QTMAN: variants seen among roughly 807,000 people sequenced by gnomAD.
The protein encoded by QTMAN is tRNA-queuosine alpha-mannosyltransferase.
chr2:144,043,279 C>CAT, the QTMAN span, among the ~76,000 whole-genome samples: 290 of 148,986 alleles, frequency 1.9e-3, no homozygotes, highest in African/African-American at 5.6e-3. Flanking sequence ...GTTGGTTAAA[C>CAT]ATATATATAT....
At chr2:144,075,058 G>A in the QTMAN span, among the ~76,000 whole-genome samples, 1 of 152,162 alleles carries the variant, frequency 6.6e-6, no homozygotes, top group African/African-American at 2.4e-5. Flanking sequence ...TACGGAATAA[G>A]TTTTGTAATT....
chr2:144,218,915 T>C, the QTMAN span, among the ~76,000 whole-genome samples: 1 of 54,606 alleles, frequency 1.8e-5, no homozygotes, highest in East Asian at 5.3e-4. Flanking sequence ...GGAAAGTATC[T>C]AAAAAAAAAA....
At chr2:144,202,280 T>C in the QTMAN span, among the ~76,000 whole-genome samples, 1 of 152,200 alleles carries the variant, frequency 6.6e-6, no homozygotes, top group Non-Finnish European at 1.5e-5. Flanking sequence ...AGAGGCCCCA[T>C]GTACAGGAAA....
chr2:144,179,630 G>A, the QTMAN span, among the ~76,000 whole-genome samples: 4 of 152,210 alleles, frequency 2.6e-5, no homozygotes, highest in East Asian at 1.9e-4. Context: ...CTATGATACC[G>A]GGCTCACCTC....
At chr2:144,219,374 A>C in the QTMAN span, among the ~76,000 whole-genome samples, 1 of 152,032 alleles carries the variant, frequency 6.6e-6, no homozygotes, top group Admixed American at 6.6e-5. Context: ...CAGGTGATCC[A>C]CCCATCTCGG....
chr2:144,133,527 AAT>A, the QTMAN span, among the ~76,000 whole-genome samples: 142 of 92,162 alleles, frequency 1.5e-3, 1 homozygote, highest in African/African-American at 5.7e-3. Flanking sequence ...TATATAAATA[AAT>A]ATATATAAAG....
chr2:144,066,625 G>A, the QTMAN span, among the ~76,000 whole-genome samples: 1 of 152,176 alleles, frequency 6.6e-6, no homozygotes, highest in African/African-American at 2.4e-5. Context: ...AGACCAGCCT[G>A]GTCAACATAA....
chr2:144,198,865 T>A, the QTMAN span, among the ~76,000 whole-genome samples: 1 of 152,222 alleles, frequency 6.6e-6, no homozygotes, highest in Admixed American at 6.5e-5. Flanking sequence ...AATATGTTCA[T>A]GCTAAACTAA....
chr2:144,109,739 C>T, the QTMAN span, among the ~76,000 whole-genome samples: 1 of 151,468 alleles, frequency 6.6e-6, no homozygotes. Flanking sequence ...AGGATATGAA[C>T]AGACACTTCT....
At chr2:144,099,975 A>G in the QTMAN span, among the ~76,000 whole-genome samples, 2 of 152,200 alleles carry the variant, frequency 1.3e-5, no homozygotes, top group Non-Finnish European at 2.9e-5. Context: ...AGAGTTGCTT[A>G]TATCTAAAAT....
At chr2:144,302,226 C>A in the QTMAN span, among the ~76,000 whole-genome samples, 1 of 151,280 alleles carries the variant, frequency 6.6e-6, no homozygotes, top group Non-Finnish European at 1.5e-5. Flanking sequence ...TGCTTTTCCT[C>A]AATTATATAT....
chr2:144,151,460 G>A, the QTMAN span, among the ~76,000 whole-genome samples: 4 of 152,056 alleles, frequency 2.6e-5, no homozygotes, highest in African/African-American at 9.7e-5. Context: ...AAAGCAGACT[G>A]CAAGGAGTCA....
the QTMAN span, among the ~76,000 whole-genome samples, chr2:144,065,762 CTTTTTT>C: frequency 7.5e-6 from 1 of 132,512 alleles, no homozygotes; most frequent in African/African-American, 2.8e-5. Flanking sequence ...AAGAAAATAA[CTTTTTT>C]TTTTTTTTTT....
At chr2:144,184,134 T>A in the QTMAN span, among the ~76,000 whole-genome samples, 34 of 152,268 alleles carry the variant, frequency 2.2e-4, no homozygotes, top group East Asian at 6.0e-3. Flanking sequence ...ATAGGAGTTT[T>A]TTATTATTTT....
the QTMAN span, among the ~76,000 whole-genome samples, chr2:144,108,737 C>T: frequency 6.7e-6 from 1 of 149,928 alleles, no homozygotes; most frequent in Non-Finnish European, 1.5e-5. Context: ...AATCAATGTG[C>T]AAAAATCACA....
chr2:144,222,087 T>C, the QTMAN span, among the ~76,000 whole-genome samples: 1 of 150,680 alleles, frequency 6.6e-6, no homozygotes, highest in Non-Finnish European at 1.5e-5. Flanking sequence ...TGAGACGGAG[T>C]CTTGCTCTGT....
the QTMAN span, among the ~76,000 whole-genome samples, chr2:144,257,875 C>A: frequency 8.2e-4 from 124 of 152,026 alleles, no homozygotes; most frequent in African/African-American, 2.8e-3. Flanking sequence ...TCAACAGAGA[C>A]AGAAAAATCA....
chr2:144,030,427 C>A, the QTMAN span, among the ~76,000 whole-genome samples: 1 of 152,188 alleles, frequency 6.6e-6, no homozygotes, highest in Non-Finnish European at 1.5e-5. Context: ...TTGTTGACTA[C>A]TTATCAACCA....
At chr2:143,946,853 G>A in the QTMAN span, 2 of 560,056 alleles carry the variant, frequency 3.6e-6, no homozygotes, top group Non-Finnish European at 6.3e-6. Context: ...TTTAATTTGA[G>A]TTGGGGTGGT....
Sources: allele counts gnomAD v4.1 joint callset (sites outside exome capture counted in the v4.1 genomes callset), GRCh38; gene constraint gnomAD v4.1.1; transcripts MANE v1.5; gene names NCBI Gene and HGNC (gene_info 2026-07-23, HGNC 2026-07-21).